The following LINGO2 variants were observed in gnomAD, a reference collection of about 807,000 sequenced individuals.
LINGO2 encodes the protein leucine-rich repeat and immunoglobulin-like domain-containing nogo receptor-interacting protein 2.
In LINGO2, 14 loss-of-function variants were observed where a neutral mutation model predicts 30.6. The ratio of observed to expected loss-of-function variants is 0.46; its 90% CI spans 0.30 to 0.72. LINGO2 has a LOEUF of 0.72. LINGO2 is among the 30% of genes least tolerant of loss of function. LINGO2 has a pLI of 0.07. For missense variants in LINGO2, 729 were observed against 751.7 expected, an observed-to-expected ratio of 0.97 and a Z score of 0.35; for synonymous variants, 317 against 288.5, an observed-to-expected ratio of 1.10 and a Z score of -1.00.
the LINGO2 span, among the ~76,000 whole-genome samples, chr9:29,026,477 C>T: frequency 1.4e-4 from 21 of 151,896 alleles, no homozygotes; most frequent in African/African-American, 5.1e-4. Context: ...TATGTGTGTG[C>T]CTCATTTCAT....
the LINGO2 span, among the ~76,000 whole-genome samples, chr9:28,868,850 T>C: frequency 3.9e-5 from 6 of 152,058 alleles, no homozygotes; most frequent in Non-Finnish European, 8.8e-5. Flanking sequence ...CAGATGAAGA[T>C]AGAAAGTAGT....
intron 4 of LINGO2, among the ~76,000 whole-genome samples, chr9:28,020,542 AAAACAAAAC>A (rs951063872): frequency 3.5e-3 from 17 of 4,830 alleles, no homozygotes; most frequent in African/African-American, 3.9e-3. Context: ...AAAACAAAAC[AAAACAAAAC>A]AAAACAAAAC....
the LINGO2 span, among the ~76,000 whole-genome samples, chr9:29,127,677 G>A: frequency 2.0e-5 from 3 of 151,966 alleles, no homozygotes; most frequent in African/African-American, 7.2e-5. Context: ...AGTAATTGAG[G>A]GCAACCGGCT....
At chr9:28,826,162 C>T in the LINGO2 span, among the ~76,000 whole-genome samples, 2 of 152,204 alleles carry the variant, frequency 1.3e-5, no homozygotes, top group Admixed American at 1.3e-4. Context: ...AGACTGTGAA[C>T]GACATTCATG....
chr9:28,023,552 C>T (rs993318382), intron 4 of LINGO2, among the ~76,000 whole-genome samples: 4 of 152,094 alleles, frequency 2.6e-5, no homozygotes, highest in Admixed American at 1.3e-4. Flanking sequence ...AGTGGGCTTG[C>T]GTTTTGTGGT....
At chr9:28,491,389 C>T (rs1351845302) in intron 1 of LINGO2, among the ~76,000 whole-genome samples, 1 of 152,178 alleles carries the variant, frequency 6.6e-6, no homozygotes, top group Non-Finnish European at 1.5e-5. Flanking sequence ...CAGGCCCACT[C>T]ATGTGATACA....
At chr9:28,543,156 A>G (rs1017823159) in intron 1 of LINGO2, among the ~76,000 whole-genome samples, 4 of 152,158 alleles carry the variant, frequency 2.6e-5, no homozygotes, top group African/African-American at 9.6e-5. Flanking sequence ...AGGGAATATG[A>G]GACTTCAAAA....
At chr9:29,172,449 T>G in the LINGO2 span, among the ~76,000 whole-genome samples, 1 of 151,928 alleles carries the variant, frequency 6.6e-6, no homozygotes, top group Non-Finnish European at 1.5e-5. Context: ...TTAGTCAGAT[T>G]AAGTAATTTA....
chr9:28,616,462 G>A (rs181616187), intron 1 of LINGO2, among the ~76,000 whole-genome samples: 1 of 152,208 alleles, frequency 6.6e-6, no homozygotes, highest in Non-Finnish European at 1.5e-5. Context: ...AGATGGTTGA[G>A]GTCATCCTTT....
At chr9:28,383,406 G>C (rs910439148) in intron 2 of LINGO2, among the ~76,000 whole-genome samples, 1 of 151,978 alleles carries the variant, frequency 6.6e-6, no homozygotes, top group South Asian at 2.1e-4. Flanking sequence ...TATGAAAAAG[G>C]CTTGAGAAAG....
chr9:27,971,910 C>A lies in LINGO2; in HGVS notation c.-35-21204G>T, dbSNP rs149856071. The stretch of plus-strand genomic sequence containing the variant: ...GAATATTATATTTAGATAGAGTGCT[C>A]TTCAATATTAGTTTCATTCCTTAAA... On this transcript the variant is annotated intron_variant, in intron 5 of 5. Transcript: ENST00000379992. Among the ~76,000 whole-genome samples, 919 of 152,186 alleles carry A rather than the reference C, an allele frequency of 6.0e-3. 4 individuals carry two copies. Among genetic ancestry groups the A allele is most frequent in the African/African-American group, 0.016 (662 of 41,522 alleles).
intron 1 of LINGO2, among the ~76,000 whole-genome samples, chr9:28,492,020 T>G (rs1339365394): frequency 6.6e-6 from 1 of 152,244 alleles, no homozygotes; most frequent in African/African-American, 2.4e-5. Context: ...TTTCTAGTAC[T>G]AAGCTCACAG....
At chr9:28,078,023 CT>C (rs1554669886) in intron 4 of LINGO2, among the ~76,000 whole-genome samples, 1 of 149,248 alleles carries the variant, frequency 6.7e-6, no homozygotes, top group Non-Finnish European at 1.5e-5. Flanking sequence ...TTTAACATAT[CT>C]TTTTTTGTAA....
At chr9:28,763,432 A>T in the LINGO2 span, among the ~76,000 whole-genome samples, 1 of 152,004 alleles carries the variant, frequency 6.6e-6, no homozygotes, top group Non-Finnish European at 1.5e-5. Flanking sequence ...CAAACTTTTG[A>T]ATAATCACTG....
chr9:28,653,133 T>C (rs946380016), intron 1 of LINGO2, among the ~76,000 whole-genome samples: 4 of 152,204 alleles, frequency 2.6e-5, no homozygotes, highest in African/African-American at 9.6e-5. Flanking sequence ...GCTTACTGTA[T>C]ACAAACAAAT....
intron 3 of LINGO2, among the ~76,000 whole-genome samples, chr9:28,347,386 TCCTA>T (rs2134419814): frequency 6.6e-6 from 1 of 152,056 alleles, no homozygotes; most frequent in African/African-American, 2.4e-5. Flanking sequence ...AGCTCAACCC[TCCTA>T]ATATATATAC....
rs373721249 is a variant in LINGO2, at chr9:28,022,262, C to T, written c.-86-9857G>A. 2.0e-4 allele frequency among the ~76,000 whole-genome samples: 31 copies of T among 152,174 alleles called. No individual in the cohort carries two copies. The South Asian group carries it at 3.3e-3, about 16-fold the overall frequency. ...CTTGAAATTTCTCCCTCCTATTCTT[C>T]GTGACATTGCTATCATTCATTTCAC... On this transcript the variant is annotated intron_variant, in intron 4 of 5. Transcript: ENST00000379992.
At chr9:29,080,916 T>C in the LINGO2 span, among the ~76,000 whole-genome samples, 1 of 152,098 alleles carries the variant, frequency 6.6e-6, no homozygotes, top group Non-Finnish European at 1.5e-5. Context: ...GAGAAGACTG[T>C]ATATACTGTT....
At chr9:29,172,685 C>A in the LINGO2 span, among the ~76,000 whole-genome samples, 4 of 151,816 alleles carry the variant, frequency 2.6e-5, no homozygotes, top group South Asian at 8.3e-4. Flanking sequence ...ATATAGTTGA[C>A]ATCAATGTGT....
Sources: allele counts gnomAD v4.1 joint callset (sites outside exome capture counted in the v4.1 genomes callset), GRCh38; gene constraint gnomAD v4.1.1; transcripts MANE v1.5; gene names NCBI Gene and HGNC (gene_info 2026-07-23, HGNC 2026-07-21).